ERI3: variants seen among roughly 807,000 people sequenced by gnomAD.
The protein encoded by ERI3 is ERI1 exoribonuclease 3.
In ERI3, 18 loss-of-function variants were observed where a neutral mutation model predicts 44.4. The observed-to-expected ratio is 0.41, with a 90% CI of 0.28 to 0.60. The LOEUF (loss-of-function observed/expected upper bound fraction) is 0.60. Among genes scored for constraint, ERI3 ranks in the 20% least tolerant of loss-of-function variants. The pLI, the probability that ERI3 is intolerant of heterozygous loss-of-function variation, is 0.36. For missense variants in ERI3, 294 were observed against 435.5 expected, an observed-to-expected ratio of 0.68 and a Z score of 2.89; for synonymous variants, 183 against 164.8, an observed-to-expected ratio of 1.11 and a Z score of -0.84.
At position 44,235,918 on chromosome 1, in the gene ERI3, C is replaced by A. The variant is rs1644293236; in HGVS notation, c.931+12021G>T. 6.6e-6 allele frequency among the ~76,000 whole-genome samples: 1 copy of A among 152,190 alleles called. No homozygotes were observed. Among genetic ancestry groups the A allele is most frequent in the African/African-American group, 2.4e-5 (1 of 41,448 alleles). On this transcript the variant is annotated intron_variant, in intron 8 of 8. Transcript: ENST00000372257. This position sits in a 1 kb window ranked among gnomAD's most constrained non-coding sequence, Gnocchi z 4.6. The stretch of plus-strand genomic sequence containing the variant: ...CTAGGGACTCTGGGAAGGGGGGATG[C>A]CCTCCCTAAGCCGTGTCCCACCTGG...
intron 6 of ERI3, among the ~76,000 whole-genome samples, chr1:44,290,638 T>G (rs1645486909): frequency 6.6e-6 from 1 of 152,178 alleles, no homozygotes; most frequent in Non-Finnish European, 1.5e-5. Flanking sequence ...TTCAGGCTAC[T>G]CCAGCCGAGG....
intron 2 of ERI3, among the ~76,000 whole-genome samples, chr1:44,342,831 A>T (rs1434385335): frequency 1.6e-4 from 3 of 18,384 alleles, no homozygotes; most frequent in Non-Finnish European, 1.9e-4. Context: ...ATATATATAT[A>T]TATATATATA....
rs1348321412 is a variant in ERI3, at chr1:44,313,201, C to T, written c.634G>A (p.Asp212Asn). The T allele has an allele frequency of 2.5e-6, 4 of 1,614,002 alleles. No homozygotes were observed. Among genetic ancestry groups the T allele is most frequent in the Non-Finnish European group, 3.4e-6 (4 of 1,180,022 alleles). ...ACTTGCTGCAGGCTTGGCTGACCAT[C>T]CACCATGGCTTGAATAATCCCGGTG... is the stretch of plus-strand genomic sequence containing the variant. ...ELTGIIQAMV[D>N]GQPSLQQVLE... Residue 212 changes from aspartate (D) to asparagine (N), a missense_variant, in exon 5 of 9, where the codon GAT becomes AAT. Physicochemically the swap from Asp to Asn is conservative, Grantham distance 23 (BLOSUM62 1). Transcript: ENST00000372257.
chr1:44,263,393 C>T lies in ERI3; in HGVS notation c.832-15355G>A, dbSNP rs531690634. 9.8e-5 allele frequency among the ~76,000 whole-genome samples: 15 copies of T among 152,336 alleles called. No homozygotes were observed. In the South Asian group the frequency reaches 1.0e-3, roughly 11 times the overall value. On this transcript the variant is annotated intron_variant, in intron 7 of 8. Coordinates refer to ENST00000372257, the MANE Select transcript of ERI3 (RefSeq NM_024066.3). ...TTCAGGGCAGGCTGGGTCCAACTGG[C>T]CACACAGGCCCACACTGCCTCTCAG... is the stretch of plus-strand genomic sequence containing the variant.
rs778333109 is a variant in ERI3 at position 44,221,603 on chromosome 1, G to A, written c.969C>T (p.Leu323=). The part of the protein sequence containing the change: ...CKNIANIMKT[L]AYRGFIFKQT... ...GCTTGAAGATGAAGCCTCGATAGGCGAGTGTCTTCATGATGTTGGCAATGT... is the reference window on the plus strand; with the variant it reads ...GCTTGAAGATGAAGCCTCGATAGGCAAGTGTCTTCATGATGTTGGCAATGT... The change falls in exon 9 of 9, where the codon CTC becomes CTT. Residue 323 remains leucine (L), a synonymous_variant. Coordinates refer to ENST00000372257, the MANE Select transcript of ERI3 (RefSeq NM_024066.3). The surrounding 1 kb of genome is among the most constrained non-coding windows in gnomAD (Gnocchi z 5.9). The A allele has an allele frequency of 3.0e-5, 49 of 1,614,156 alleles. No homozygotes were observed. In the East Asian group the frequency reaches 8.0e-4, roughly 26 times the overall value.
Position 44,322,675 on chromosome 1 carries a change from GAC to G in ERI3, c.490-2933_490-2932del, listed in dbSNP as rs1322832860. 2.7e-6 allele frequency: 4 copies of G among 1,505,696 alleles called. No individual in the cohort carries two copies. The East Asian group carries it at 1.0e-4, about 38-fold the overall frequency. The allele number at this position is 1,505,696 out of a possible 1,614,324, so 93.3% of individuals were successfully genotyped here. A position where few individuals can be genotyped will look rare whatever the true frequency, so the allele number is the denominator to read the frequency against. On this transcript the variant is annotated intron_variant, in intron 3 of 8. Transcript: ENST00000372257. ...TGCAAAAGAGAAGCTTCTGAGAAAA[GAC>G]TCTCTGAGAAATTAGAGCAGCAAGG...
intron 2 of ERI3, among the ~76,000 whole-genome samples, chr1:44,344,941 G>T (rs1022931140): frequency 1.3e-5 from 2 of 152,176 alleles, no homozygotes; most frequent in Non-Finnish European, 2.9e-5. Context: ...GGAGAAGCAG[G>T]CCTGCGCCAG....
chr1:44,348,691 C>A (rs770088976), intron 2 of ERI3, among the ~76,000 whole-genome samples: 2 of 152,230 alleles, frequency 1.3e-5, no homozygotes, highest in Non-Finnish European at 2.9e-5. Context: ...TAATGTGGGA[C>A]CCAAATCAAA....
rs1471986321 is a variant in ERI3, at chr1:44,354,934, G to T, written c.93C>A (p.Leu31=). Residue 31 remains leucine (L), a synonymous_variant, in exon 1 of 9, where the codon CTC becomes CTA. Transcript: ENST00000372257. ...VSWPPAPPLT[L]PWTWMGPSWG... ...AACTCGGGCCCATCCAAGTCCAGGG[G>T]AGAGTAAGGGGAGGGGCGGGGGGCC... is the stretch of plus-strand genomic sequence containing the variant. 17 of 1,332,804 alleles carry T rather than the reference G, an allele frequency of 1.3e-5. No individual in the cohort carries two copies. The highest frequency in any genetic ancestry group is 1.5e-5 in the Non-Finnish European group (16 of 1,033,628). 82.6% of individuals were successfully genotyped at this position (1,332,804 alleles called of 1,614,324 possible). A position where few individuals can be genotyped will look rare whatever the true frequency, so the allele number is the denominator to read the frequency against.
chr1:44,222,851 T>C lies in ERI3; in HGVS notation c.932-1211A>G, dbSNP rs1219404687. ...ATTGTACATCAATGTCATAATCAAGTGTGGGGGGGTATTAAGGTCAAGGTG... is the reference window on the plus strand; with the variant it reads ...ATTGTACATCAATGTCATAATCAAGCGTGGGGGGGTATTAAGGTCAAGGTG... On this transcript the variant is annotated intron_variant, in intron 8 of 8. Coordinates refer to ENST00000372257, the MANE Select transcript of ERI3 (RefSeq NM_024066.3). Among the ~76,000 whole-genome samples, 3 of 151,982 alleles carry C rather than the reference T, an allele frequency of 2.0e-5. No homozygotes were observed. The East Asian group carries it at 5.8e-4, about 29-fold the overall frequency.
intron 8 of ERI3, among the ~76,000 whole-genome samples, chr1:44,233,553 G>A (rs1644236249): frequency 6.6e-6 from 1 of 151,836 alleles, no homozygotes; most frequent in Non-Finnish European, 1.5e-5. Flanking sequence ...ACAGGCTCTT[G>A]CCACCACGCC....
chr1:44,274,491 T>C (rs1202469498), intron 7 of ERI3, among the ~76,000 whole-genome samples: 1 of 152,064 alleles, frequency 6.6e-6, no homozygotes, highest in African/African-American at 2.4e-5. Context: ...CTGTAAGACA[T>C]ATTTAAAGGA....
At chr1:44,311,313 T>C (rs1186214209) in intron 5 of ERI3, among the ~76,000 whole-genome samples, 1 of 152,178 alleles carries the variant, frequency 6.6e-6, no homozygotes, top group African/African-American at 2.4e-5. Context: ...ACAGCAGCTA[T>C]TCAGTGAGCA....
intron 2 of ERI3, among the ~76,000 whole-genome samples, chr1:44,351,921 A>G (rs971956249): frequency 6.6e-6 from 1 of 152,046 alleles, no homozygotes; most frequent in Non-Finnish European, 1.5e-5. Context: ...CCCTGAGTCT[A>G]CAAGTCTGGG....
chr1:44,242,120 C>T, intron 8 of ERI3: 4 of 985,790 alleles, frequency 4.1e-6, no homozygotes, highest in Non-Finnish European at 4.8e-6. Context: ...CATGACCATC[C>T]ATCTCCCTAG....
chr1:44,330,048 C>T (rs1344284295), intron 3 of ERI3, among the ~76,000 whole-genome samples: 1 of 152,210 alleles, frequency 6.6e-6, no homozygotes, highest in Non-Finnish European at 1.5e-5. Flanking sequence ...GTACTGCATC[C>T]GTACCAGTCT....
At chr1:44,353,747 A>G (rs1646941955) in intron 1 of ERI3, 14 of 985,372 alleles carry the variant, frequency 1.4e-5, no homozygotes, top group African/African-American at 1.7e-5. Flanking sequence ...GATTATTTAC[A>G]GGATCTTTGG....
chr1:44,235,512 C>T lies in ERI3; in HGVS notation c.931+12427G>A, dbSNP rs1343403620. Among the ~76,000 whole-genome samples the T allele has an allele frequency of 6.6e-6, 1 of 152,158 alleles. No homozygotes were observed. The highest frequency in any genetic ancestry group is 1.5e-5 in the Non-Finnish European group (1 of 68,038). ...TCTTTGAGGGCACAGGTGTTATCCA[C>T]AGAGACACTCAAGAAATACATACTG... On this transcript the variant is annotated intron_variant, in intron 8 of 8. Transcript: ENST00000372257. This position sits in a 1 kb window ranked among gnomAD's most constrained non-coding sequence, Gnocchi z 4.6.
intron 8 of ERI3, among the ~76,000 whole-genome samples, chr1:44,231,304 C>T (rs1270614899): frequency 3.9e-5 from 6 of 151,948 alleles, no homozygotes; most frequent in Non-Finnish European, 8.8e-5. Flanking sequence ...TTTTCACTCA[C>T]TGAAACCTTA....
Sources: allele counts gnomAD v4.1 joint callset (sites outside exome capture counted in the v4.1 genomes callset), GRCh38; gene constraint gnomAD v4.1.1; non-coding constraint Gnocchi (gnomAD v3.1); transcripts MANE v1.5; gene names NCBI Gene and HGNC (gene_info 2026-07-23, HGNC 2026-07-21).